The following MEGF9 variants were observed in gnomAD, a reference collection of about 807,000 sequenced individuals.
MEGF9 encodes multiple epidermal growth factor-like domains protein 9.
In MEGF9, 6 loss-of-function variants were observed where a neutral mutation model predicts 46.8. The ratio of observed to expected loss-of-function variants is 0.13; its 90% CI spans 0.07 to 0.25. The LOEUF is 0.25. MEGF9 is among the 10% of genes least tolerant of loss of function. MEGF9 has a pLI of 1.00. For synonymous variants in MEGF9, 302 were observed against 330.7 expected (o/e 0.91, Z 0.94); for missense variants, 683 against 792.4 (o/e 0.86, Z 1.66).
chr9:120,661,756 G>A (rs78356951), intron 1 of MEGF9, among the ~76,000 whole-genome samples: 2,264 of 152,220 alleles, frequency 0.015, 62 homozygotes, highest in African/African-American at 0.049. Flanking sequence ...TACTTTCTGC[G>A]TATGTGTGTT....
At chr9:120,612,688 A>G in intron 3 of MEGF9, 149 bp from the exon 4 acceptor site, 1 of 671,440 alleles carries the variant, frequency 1.5e-6, no homozygotes, top group African/African-American at 1.8e-5. Flanking sequence ...CCTGATTTCT[A>G]TACTGCCATG....
chr9:120,700,650 C>T (rs1038500663), intron 1 of MEGF9, among the ~76,000 whole-genome samples: 2 of 152,098 alleles, frequency 1.3e-5, no homozygotes, highest in Non-Finnish European at 2.9e-5. Context: ...CCGTTATTTC[C>T]AATAACCCTT....
intron 2 of MEGF9, among the ~76,000 whole-genome samples, chr9:120,629,123 G>T (rs1030023162): frequency 2.6e-5 from 4 of 152,078 alleles, no homozygotes; most frequent in Non-Finnish European, 4.4e-5. Flanking sequence ...ACAGGCATGT[G>T]CCACCATGCC....
At chr9:120,629,739 T>G in intron 2 of MEGF9, among the ~76,000 whole-genome samples, 1 of 151,808 alleles carries the variant, frequency 6.6e-6, no homozygotes, top group East Asian at 1.9e-4. Flanking sequence ...TTCAAGACCA[T>G]CCTGGACAAT....
At chr9:120,667,559 T>G (rs1468947192) in intron 1 of MEGF9, among the ~76,000 whole-genome samples, 1 of 152,222 alleles carries the variant, frequency 6.6e-6, no homozygotes, top group Non-Finnish European at 1.5e-5. Context: ...TAACTTTCAA[T>G]CTATCTAATC....
chr9:120,670,017 G>A (rs1435124554), intron 1 of MEGF9, among the ~76,000 whole-genome samples: 1 of 152,156 alleles, frequency 6.6e-6, no homozygotes, highest in Non-Finnish European at 1.5e-5. Context: ...AAAAAAGGTA[G>A]AAGAAAGAGA....
At chr9:120,641,396 A>T (rs2132313428) in intron 2 of MEGF9, among the ~76,000 whole-genome samples, 1 of 152,356 alleles carries the variant, frequency 6.6e-6, no homozygotes. Context: ...CCAATATTCC[A>T]TCATGACCCT....
At chr9:120,606,860 G>T (rs573552072) in intron 5 of MEGF9, among the ~76,000 whole-genome samples, 3 of 152,106 alleles carry the variant, frequency 2.0e-5, no homozygotes, top group Admixed American at 6.6e-5. Flanking sequence ...CTAAAAAGAG[G>T]CAAAGTTTAT....
chr9:120,659,432 CA>C lies in MEGF9; in HGVS notation c.744del (p.Leu250SerfsTer69). 6.2e-7 allele frequency: 1 copy of C among 1,613,776 alleles called. No homozygotes were observed. The highest frequency in any genetic ancestry group is 8.5e-7 in the Non-Finnish European group (1 of 1,179,858). On this transcript the variant is annotated frameshift_variant, in exon 2 of 6. Transcript: ENST00000373930. LOFTEE classifies it high-confidence loss of function. ...CKEGFYLNYTSGLCQPCDCSP... is the reference protein window; with the variant it reads ...CKEGFYLNYTXGLCQPCDCSP... ...CTACAGTCACATGGCTGACAGAGCC[CA>C]GAAGTGTAATTTAGGTAAAAGCCCT... is the stretch of plus-strand genomic sequence containing the variant.
chr9:120,616,849 T>C (rs1456367006), intron 3 of MEGF9, among the ~76,000 whole-genome samples: 3 of 152,306 alleles, frequency 2.0e-5, no homozygotes, highest in East Asian at 1.9e-4. Context: ...TTTAATATAA[T>C]GTGAGCATTT....
At chr9:120,662,070 C>A (rs779473142) in intron 1 of MEGF9, among the ~76,000 whole-genome samples, 5 of 152,168 alleles carry the variant, frequency 3.3e-5, no homozygotes, top group Admixed American at 2.6e-4. Context: ...GTATTTCCAT[C>A]TGAAAACTGA....
chr9:120,664,352 T>C (rs2043715750), intron 1 of MEGF9, among the ~76,000 whole-genome samples: 1 of 152,228 alleles, frequency 6.6e-6, no homozygotes, highest in Admixed American at 6.5e-5. Flanking sequence ...ATGTGTCCTC[T>C]CTGTGTCTCT....
At chr9:120,687,685 T>C (rs2043829440) in intron 1 of MEGF9, among the ~76,000 whole-genome samples, 1 of 150,610 alleles carries the variant, frequency 6.6e-6, no homozygotes, top group Non-Finnish European at 1.5e-5. Flanking sequence ...TGTGTGTGTG[T>C]GTGTGTGTGT....
intron 1 of MEGF9, among the ~76,000 whole-genome samples, chr9:120,702,281 T>G (rs1038073812): frequency 6.6e-6 from 1 of 152,168 alleles, no homozygotes; most frequent in African/African-American, 2.4e-5. Context: ...CTGATATAGA[T>G]CAAACTTGCT....
At chr9:120,636,856 G>T (rs1049955953) in intron 2 of MEGF9, among the ~76,000 whole-genome samples, 6 of 60,710 alleles carry the variant, frequency 9.9e-5, no homozygotes, top group African/African-American at 1.8e-4. Context: ...TCTGGGGGGT[G>T]GGGGGGCCCC....
intron 1 of MEGF9, among the ~76,000 whole-genome samples, chr9:120,687,670 CTGTGTGTGTGTG>C (rs71385077): frequency 4.6e-4 from 65 of 142,056 alleles, no homozygotes; most frequent in African/African-American, 7.4e-4. Context: ...GAACACAACA[CTGTGTGTGTGTG>C]TGTGTGTGTG....
chr9:120,710,076 T>G (rs2043946558), intron 1 of MEGF9, among the ~76,000 whole-genome samples: 1 of 147,790 alleles, frequency 6.8e-6, no homozygotes, highest in Non-Finnish European at 1.5e-5. Context: ...ATTACCTTAG[T>G]GTCTTACTGA....
At chr9:120,669,416 A>T (rs2043739050) in intron 1 of MEGF9, among the ~76,000 whole-genome samples, 1 of 152,150 alleles carries the variant, frequency 6.6e-6, no homozygotes, top group Admixed American at 6.5e-5. Flanking sequence ...AAACCCACAA[A>T]ATCCAGCTAC....
chr9:120,652,183 A>AC (rs2043654788), intron 2 of MEGF9, among the ~76,000 whole-genome samples: 4 of 126,454 alleles, frequency 3.2e-5, no homozygotes, highest in African/African-American at 6.2e-5. Context: ...CACACACACA[A>AC]AAAAAAAAAA....
Sources: gnomAD v4.1 joint callset for allele counts (sites outside exome capture counted in the v4.1 genomes callset) on GRCh38, gnomAD v4.1.1 for gene constraint, MANE v1.5 for transcripts, NCBI Gene and HGNC (gene_info 2026-07-23, HGNC 2026-07-21) for gene names.